CYP2S1: variants seen among roughly 807,000 people sequenced by gnomAD.
CYP2S1 encodes cytochrome P450 family 2 subfamily S member 1.
Under a neutral mutation model 43.5 loss-of-function variants are expected in CYP2S1, and 32 were observed. That is an observed-to-expected ratio of 0.74 (90% CI 0.56 to 0.99). CYP2S1 has a LOEUF of 0.99. Among genes scored for constraint, CYP2S1 ranks in the 50% least tolerant of loss-of-function variants. The pLI is 0.00. For missense variants in CYP2S1, 575 were observed against 673.9 expected (o/e 0.85, Z 1.62); for synonymous variants, 283 against 302.9 (o/e 0.93, Z 0.68).
chr19:41,194,593 G>A lies in CYP2S1; in HGVS notation c.227G>A (p.Arg76Gln), dbSNP rs758006222. Reference protein sequence around the residue: ...PVFTIYLGPWRPVVVLVGQEA... With the variant: ...PVFTIYLGPWQPVVVLVGQEA... ...TTCACCATCTACCTGGGACCCTGGCGGCCTGTGGTGGTCCTGGTTGGGCAG... is the reference window on the plus strand; with the variant it reads ...TTCACCATCTACCTGGGACCCTGGCAGCCTGTGGTGGTCCTGGTTGGGCAG... Residue 76 changes from arginine (R) to glutamine (Q), a missense_variant, in exon 2 of 9, where the codon CGG (arginine) becomes CAG (glutamine). Physicochemically the swap from Arg to Gln is conservative, Grantham distance 43. Transcript: ENST00000310054. 16 of 1,610,670 alleles carry A rather than the reference G, an allele frequency of 9.9e-6. 1 individual carries two copies. Among genetic ancestry groups the A allele is most frequent in the African/African-American group, 6.7e-5 (5 of 74,754 alleles).
At chr19:41,205,410 T>TTCTC (rs1568402597) in intron 7 of CYP2S1, among the ~76,000 whole-genome samples, 21 of 128,698 alleles carry the variant, frequency 1.6e-4, no homozygotes, top group African/African-American at 5.8e-4. Flanking sequence ...CTCTCTTTCT[T>TTCTC]TCTTTCTTTC....
chr19:41,206,118 G>C lies in CYP2S1; in HGVS notation c.1306+19G>C. 1 of 1,612,690 alleles carries C rather than the reference G, an allele frequency of 6.2e-7. No individual in the cohort carries two copies. Among genetic ancestry groups the C allele is most frequent in the East Asian group, 2.2e-5 (1 of 44,812 alleles). On this transcript the variant is annotated intron_variant, in intron 8 of 8. Coordinates refer to ENST00000310054, the MANE Select transcript of CYP2S1 (RefSeq NM_030622.8). ...TCCTTAGGTATCTGCTGCAGCCCTGGGTATCACAAGCAGGTGCTGGCGAAC... is the reference window on the plus strand; with the variant it reads ...TCCTTAGGTATCTGCTGCAGCCCTGCGTATCACAAGCAGGTGCTGGCGAAC...
At chr19:41,205,384 CTCTCTCTCTTTCTT>C (rs1352021423) in intron 7 of CYP2S1, among the ~76,000 whole-genome samples, 37 of 36,370 alleles carry the variant, frequency 1.0e-3, no homozygotes, top group Admixed American at 2.3e-3. Flanking sequence ...CTTTCTTTCT[CTCTCTCTCTTTCTT>C]TCTCTCTTTC....
intron 6 of CYP2S1, among the ~76,000 whole-genome samples, chr19:41,202,651 G>A (rs958885065): frequency 4.6e-5 from 7 of 151,788 alleles, no homozygotes; most frequent in African/African-American, 1.7e-4. Context: ...TTAGCTGGGT[G>A]TGGTGGTGCG....
At chr19:41,199,376 T>G (rs756278593) in intron 5 of CYP2S1, among the ~76,000 whole-genome samples, 1 of 150,364 alleles carries the variant, frequency 6.7e-6, no homozygotes, top group Non-Finnish European at 1.5e-5. Flanking sequence ...TTCTTTTCCT[T>G]TTTTTTTTCT....
Position 41,194,572 on chromosome 19 carries a change from C to A in CYP2S1, c.206C>A (p.Thr69Asn). The A allele has an allele frequency of 6.2e-7, 1 of 1,605,354 alleles. No individual in the cohort carries two copies. Among genetic ancestry groups the A allele is most frequent in the Non-Finnish European group, 8.5e-7 (1 of 1,176,954 alleles). The part of the protein sequence containing the change: ...RLSKKYGPVF[T>N]IYLGPWRPVV... ...AGTAAGAAGTACGGACCGGTGTTCACCATCTACCTGGGACCCTGGCGGCCT... is the reference window on the plus strand; with the variant it reads ...AGTAAGAAGTACGGACCGGTGTTCAACATCTACCTGGGACCCTGGCGGCCT... Residue 69 changes from threonine (T) to asparagine (N), a missense_variant, in exon 2 of 9, where the codon ACC becomes AAC. Thr to Asn is a moderately conservative substitution (Grantham distance 65, BLOSUM62 0). Coordinates refer to ENST00000310054, the MANE Select transcript of CYP2S1 (RefSeq NM_030622.8).
Position 41,206,420 on chromosome 19 carries a change from A to G in CYP2S1, c.1447A>G (p.Asn483Asp), listed in dbSNP as rs748425430. ...SLKPTVSGLF[N>D]IPPAFQLQVR... ...CAAGCCCACCGTCAGTGGCCTTTTCAACATTCCCCCAGCCTTCCAGCTGCA... is the reference window on the plus strand; with the variant it reads ...CAAGCCCACCGTCAGTGGCCTTTTCGACATTCCCCCAGCCTTCCAGCTGCA... The change falls in exon 9 of 9, where the codon AAC (asparagine) becomes GAC (aspartate). Residue 483 changes from asparagine (N) to aspartate (D), a missense_variant. Coordinates refer to ENST00000310054, the MANE Select transcript of CYP2S1 (RefSeq NM_030622.8). 6.2e-7 allele frequency: 1 copy of G among 1,614,006 alleles called. No individual in the cohort carries two copies. Among genetic ancestry groups the G allele is most frequent in the Admixed American group, 1.7e-5 (1 of 59,988 alleles).
chr19:41,207,207 C>G lies in CYP2S1; in HGVS notation c.*719C>G. On this transcript the variant is annotated 3_prime_UTR_variant, in exon 9 of 9. Coordinates refer to ENST00000310054, the MANE Select transcript of CYP2S1 (RefSeq NM_030622.8). ...CCCCTTTTTAAGCACCCTGATTCTA[C>G]CAAATGCAAACACATCTGGGTCTGC... is the stretch of plus-strand genomic sequence containing the variant. 2 of 255,876 alleles carry G rather than the reference C, an allele frequency of 7.8e-6. No homozygotes were observed. Among genetic ancestry groups the G allele is most frequent in the Non-Finnish European group, 1.5e-5 (2 of 129,186 alleles). 15.9% of individuals were successfully genotyped at this position (255,876 alleles called of 1,614,324 possible). A position where few individuals can be genotyped will look rare whatever the true frequency, so the allele number is the denominator to read the frequency against.
At chr19:41,202,670 G>T (rs915281840) in intron 6 of CYP2S1, among the ~76,000 whole-genome samples, 1 of 151,640 alleles carries the variant, frequency 6.6e-6, no homozygotes, top group African/African-American at 2.4e-5. Context: ...CGTGCCTGTG[G>T]TCATAGCTAC....
At chr19:41,196,908 C>T (rs1479750561) in intron 2 of CYP2S1, among the ~76,000 whole-genome samples, 1 of 152,144 alleles carries the variant, frequency 6.6e-6, no homozygotes, top group Admixed American at 6.5e-5. Context: ...TGGTTATTTA[C>T]AGAACAGGCC....
chr19:41,199,995 A>T (rs28621589), intron 5 of CYP2S1, among the ~76,000 whole-genome samples: 3 of 151,622 alleles, frequency 2.0e-5, no homozygotes, highest in African/African-American at 7.3e-5. Flanking sequence ...AGAAAAAAAG[A>T]AAAAAGACAC....
chr19:41,198,994 T>C lies in CYP2S1; in HGVS notation c.834+106T>C. ...TCAATTGGGTTCCTCTCTCTTTCTC[T>C]CTCTGCATGTCTCTGTGAGTATGAG... is the stretch of plus-strand genomic sequence containing the variant. On this transcript the variant is annotated intron_variant, in intron 5 of 8. Coordinates refer to ENST00000310054, the MANE Select transcript of CYP2S1 (RefSeq NM_030622.8). The surrounding 1 kb of genome is among the most constrained non-coding windows in gnomAD (Gnocchi z 4.9). The C allele has an allele frequency of 7.7e-7, 1 of 1,302,476 alleles. No homozygotes were observed. Among genetic ancestry groups the C allele is most frequent in the African/African-American group, 1.5e-5 (1 of 67,384 alleles). The allele number at this position is 1,302,476 out of a possible 1,614,324, so 80.7% of individuals were successfully genotyped here. A position where few individuals can be genotyped will look rare whatever the true frequency, so the allele number is the denominator to read the frequency against.
In CYP2S1 at chr19:41,198,408, C is replaced by T; in HGVS notation, c.494-54C>T. 1 of 1,599,214 alleles carries T rather than the reference C, an allele frequency of 6.3e-7. No individual in the cohort carries two copies. The highest frequency in any genetic ancestry group is 1.1e-5 in the South Asian group (1 of 88,142). ...TCTGGTTGGGTTCAGCTCCAACCTG[C>T]TCCCCTCTGCCTGGCTCCATCACAG... On this transcript the variant is annotated intron_variant, in intron 3 of 8. Transcript: ENST00000310054. The surrounding 1 kb of genome is among the most constrained non-coding windows in gnomAD (Gnocchi z 4.9).
intron 5 of CYP2S1, among the ~76,000 whole-genome samples, chr19:41,199,576 C>T (rs1162060351): frequency 6.6e-6 from 1 of 151,596 alleles, no homozygotes; most frequent in African/African-American, 2.4e-5. Flanking sequence ...TAGAGATAGA[C>T]TCTCACTATG....
At position 41,198,825 on chromosome 19, in the gene CYP2S1, G is replaced by C. The variant is rs145165448; in HGVS notation, c.771G>C (p.Gly257=). The C allele has an allele frequency of 2.2e-4, 363 of 1,614,194 alleles. 2 individuals are homozygous for C. The Middle Eastern group carries it at 4.1e-3, about 18-fold the overall frequency. Reference sequence around the variant, plus strand: ...TCCGGCAGGTGCAGCAGCACCAGGGGAACCTGGATGCTTCGGGCCCCGCAC... The same window carrying C: ...TCCGGCAGGTGCAGCAGCACCAGGGCAACCTGGATGCTTCGGGCCCCGCAC... ...FTVRQVQQHQ[G]NLDASGPARD... The change falls in exon 5 of 9, where the codon GGG becomes GGC. Residue 257 remains glycine, a synonymous_variant. Transcript: ENST00000310054. The surrounding 1 kb of genome is among the most constrained non-coding windows in gnomAD (Gnocchi z 4.9).
intron 5 of CYP2S1, among the ~76,000 whole-genome samples, chr19:41,199,683 G>A (rs779346802): frequency 3.3e-5 from 5 of 152,198 alleles, no homozygotes; most frequent in East Asian, 3.9e-4. Context: ...CATCATGCCC[G>A]GTCGGGCACA....
intron 5 of CYP2S1, among the ~76,000 whole-genome samples, chr19:41,199,686 C>T (rs936532625): frequency 7.2e-5 from 11 of 152,036 alleles, no homozygotes; most frequent in African/African-American, 2.7e-4. Flanking sequence ...CATGCCCGGT[C>T]GGGCACAGTG....
intron 1 of CYP2S1, chr19:41,193,759 A>G: frequency 3.5e-6 from 1 of 283,782 alleles, no homozygotes; most frequent in Non-Finnish European, 6.3e-6. Flanking sequence ...CCAGCCGAGG[A>G]GAAGCTGATG....
At position 41,196,466 on chromosome 19, in the gene CYP2S1, C is replaced by T. The variant is rs80302823; in HGVS notation, c.344-1313C>T. 9.3e-4 allele frequency among the ~76,000 whole-genome samples: 142 copies of T among 152,088 alleles called. 2 individuals carry two copies. In the East Asian group the frequency reaches 0.023, roughly 25 times the overall value. ...TGCCTGAAGGGGATGAAACTGGAGG[C>T]TAGGAGCCCAGGGTGATAGGGAGGA... On this transcript the variant is annotated intron_variant, in intron 2 of 8. Coordinates refer to ENST00000310054, the MANE Select transcript of CYP2S1 (RefSeq NM_030622.8).
Sources: allele counts gnomAD v4.1 joint callset (sites outside exome capture counted in the v4.1 genomes callset), GRCh38; gene constraint gnomAD v4.1.1; non-coding constraint Gnocchi (gnomAD v3.1); transcripts MANE v1.5; gene names NCBI Gene and HGNC (gene_info 2026-07-23, HGNC 2026-07-21).